The following GRPR variants were observed in gnomAD, a reference collection of about 807,000 sequenced individuals.
GRPR encodes gastrin releasing peptide receptor, also known as gastrin-releasing peptide receptor.
A neutral mutation model predicts 15.6 loss-of-function variants in GRPR; 4 were observed. The ratio of observed to expected loss-of-function variants is 0.26; its 90% CI spans 0.13 to 0.59. GRPR has a LOEUF of 0.59. Ranked by LOEUF, GRPR falls within the 20% of genes least tolerant of loss-of-function variation. The probability of loss-of-function intolerance (pLI) is 0.90; values close to 1 mark genes in which losing one functional copy is unlikely to be tolerated. For missense variants in GRPR, 270 were observed against 304.1 expected (o/e 0.89, Z 0.83); for synonymous variants, 128 against 126.8 (o/e 1.01, Z -0.06).
chrX:16,153,056 G>C lies in GRPR; in HGVS notation c.*411G>C, dbSNP rs182552906. On this transcript the variant is annotated 3_prime_UTR_variant, in exon 3 of 3. Coordinates refer to ENST00000380289, the MANE Select transcript of GRPR (RefSeq NM_005314.3). Reference sequence around the variant, plus strand: ...CTTCACCTTGTCATTTCTTTAAGCAGACGCTAGTACTTTAGAAATATAACT... The same window carrying C: ...CTTCACCTTGTCATTTCTTTAAGCACACGCTAGTACTTTAGAAATATAACT... The C allele has an allele frequency of 5.6e-6, 1 of 179,856 alleles. No individual in the cohort carries two copies. The highest frequency in any genetic ancestry group is 2.9e-5 in the African/African-American group (1 of 34,062). 14.8% of individuals were successfully genotyped at this position (179,856 alleles called of 1,213,427 possible). A position where few individuals can be genotyped will look rare whatever the true frequency, so the allele number is the denominator to read the frequency against.
chrX:16,147,259 G>A (rs1428727055), intron 1 of GRPR, among the ~76,000 whole-genome samples: 1 of 110,996 alleles, frequency 9.0e-6, no homozygotes, highest in East Asian at 2.8e-4. Context: ...ACACATAGCC[G>A]CAATACCCTT....
intron 1 of GRPR, among the ~76,000 whole-genome samples, chrX:16,134,820 C>T (rs764548083): frequency 2.0e-4 from 22 of 111,132 alleles, no homozygotes; most frequent in Non-Finnish European, 3.6e-4. Context: ...AACAACTTCA[C>T]GTTTTTGCAC....
chrX:16,151,532 G>A (rs941598793), intron 2 of GRPR, among the ~76,000 whole-genome samples: 1 of 111,730 alleles, frequency 9.0e-6, no homozygotes, highest in Non-Finnish European at 1.9e-5. Context: ...AAGAGTGGCA[G>A]TTTCTAATGA....
Position 16,132,880 on chromosome X carries a change from T to G in GRPR, c.413+8514T>G, listed in dbSNP as rs148164135. 7.1e-3 allele frequency among the ~76,000 whole-genome samples: 792 copies of G among 112,163 alleles called. 9 individuals are homozygous for G. Among genetic ancestry groups the G allele is most frequent in the African/African-American group, 0.025 (762 of 30,969 alleles). On this transcript the variant is annotated intron_variant, in intron 1 of 2. Transcript: ENST00000380289. ...TAGTAACCTATTTTTCATGGATATC[T>G]TCACATTATGAGTTTTGTGCTATCT...
intron 1 of GRPR, among the ~76,000 whole-genome samples, chrX:16,140,725 G>A (rs949001752): frequency 8.9e-6 from 1 of 111,922 alleles, no homozygotes; most frequent in African/African-American, 3.3e-5. Context: ...GTTGCCCACC[G>A]TGGTGCCCTT....
intron 1 of GRPR, among the ~76,000 whole-genome samples, chrX:16,146,826 C>T (rs902924488): frequency 8.9e-6 from 1 of 112,198 alleles, no homozygotes; most frequent in African/African-American, 3.2e-5. Context: ...TGGTCTATCT[C>T]TCTCCCTCTA....
intron 1 of GRPR, among the ~76,000 whole-genome samples, chrX:16,138,603 G>A (rs185752644): frequency 4.4e-4 from 49 of 112,275 alleles, no homozygotes; most frequent in African/African-American, 1.5e-3. Context: ...GACTCAAAGC[G>A]ACTATTTCAG....
intron 1 of GRPR, among the ~76,000 whole-genome samples, chrX:16,135,580 A>G (rs1039246933): frequency 1.8e-5 from 2 of 112,356 alleles, no homozygotes; most frequent in African/African-American, 6.5e-5. Flanking sequence ...GTCTACATAT[A>G]AATAGAATAA....
At chrX:16,144,433 T>C (rs1377060984) in intron 1 of GRPR, among the ~76,000 whole-genome samples, 2 of 112,102 alleles carry the variant, frequency 1.8e-5, no homozygotes, top group African/African-American at 6.5e-5. Context: ...ATAGTATACA[T>C]TAGGATTGCA....
chrX:16,150,596 A>C lies in GRPR; in HGVS notation c.705A>C (p.Lys235Asn), dbSNP rs760312231. 6 of 1,200,162 alleles carry C rather than the reference A, an allele frequency of 5.0e-6. No homozygotes were observed. The African/African-American group carries it at 1.1e-4, about 21-fold the overall frequency. ...CTGTTTACTACTACTTCATTGCTAAAAATCTGATCCAGAGTGCTTACAATC... is the reference window on the plus strand; with the variant it reads ...CTGTTTACTACTACTTCATTGCTAACAATCTGATCCAGAGTGCTTACAATC... Reference protein sequence around the residue: ...IISVYYYFIAKNLIQSAYNLP... With the variant: ...IISVYYYFIANNLIQSAYNLP... The change falls in exon 2 of 3, where the codon AAA becomes AAC. Residue 235 changes from lysine to asparagine, a missense_variant. By Grantham distance (94) the Lys-to-Asn change is moderately conservative. Coordinates refer to ENST00000380289, the MANE Select transcript of GRPR (RefSeq NM_005314.3).
rs1247178170 is a variant in GRPR, at chrX:16,143,770, G to A, written c.414-6535G>A. Among the ~76,000 whole-genome samples the A allele has an allele frequency of 2.7e-5, 3 of 112,452 alleles. No homozygotes were observed. The Admixed American group carries it at 2.8e-4, about 11-fold the overall frequency. Reference sequence around the variant, plus strand: ...GGAGGGTAGAATAGCGAAGTGGGATGTGAGTTCTGTTTGTTCATTCAGTGT... The same window carrying A: ...GGAGGGTAGAATAGCGAAGTGGGATATGAGTTCTGTTTGTTCATTCAGTGT... On this transcript the variant is annotated intron_variant, in intron 1 of 2. Transcript: ENST00000380289.
At chrX:16,151,098 C>T (rs973892183) in intron 2 of GRPR, among the ~76,000 whole-genome samples, 2 of 111,538 alleles carry the variant, frequency 1.8e-5, no homozygotes, top group Non-Finnish European at 3.8e-5. Flanking sequence ...TAGGCTCACA[C>T]TGATTTGGGC....
chrX:16,123,818 T>C lies in GRPR; in HGVS notation c.-136T>C. ...AGTTTTGAATACCATAGTTAGTATA[T>C]ATGTACTCAGAGTATTTTTATTAAA... On this transcript the variant is annotated 5_prime_UTR_variant, in exon 1 of 3. Coordinates refer to ENST00000380289, the MANE Select transcript of GRPR (RefSeq NM_005314.3). The C allele has an allele frequency of 1.9e-6, 1 of 536,786 alleles. No individual in the cohort carries two copies. Among genetic ancestry groups the C allele is most frequent in the Middle Eastern group, 4.8e-4 (1 of 2,080 alleles). The allele number at this position is 536,786 out of a possible 1,213,427, so 44.2% of individuals were successfully genotyped here.
chrX:16,152,351 C>T lies in GRPR; in HGVS notation c.861C>T (p.Arg287=). 3.3e-6 allele frequency: 4 copies of T among 1,209,453 alleles called. No individual in the cohort carries two copies. The highest frequency in any genetic ancestry group is 4.5e-6 in the Non-Finnish European group (4 of 893,318). The change falls in exon 3 of 3, where the codon CGC becomes CGT. Residue 287 remains arginine (R), a synonymous_variant. Coordinates refer to ENST00000380289, the MANE Select transcript of GRPR (RefSeq NM_005314.3). ...CCAATCATGTCATCTACCTGTACCG[C>T]TCCTACCACTACTCTGAGGTGGACA... The part of the protein sequence containing the change: ...WLPNHVIYLY[R]SYHYSEVDTS...
intron 1 of GRPR, among the ~76,000 whole-genome samples, chrX:16,144,243 A>C (rs1442657050): frequency 8.9e-6 from 1 of 112,168 alleles, no homozygotes; most frequent in Non-Finnish European, 1.9e-5. Context: ...GCCAGCTAAT[A>C]ATTGCCTTAC....
chrX:16,125,191 TATTC>T (rs1922271547), intron 1 of GRPR, among the ~76,000 whole-genome samples: 1 of 112,643 alleles, frequency 8.9e-6, no homozygotes, highest in South Asian at 3.6e-4. Flanking sequence ...TAAAACTATA[TATTC>T]ATTCTTTGAA....
rs112172603 is a variant in GRPR, at chrX:16,123,914, G to A, written c.-40G>A. ...TTGCAAAATCAATAGTTAAGAAATA[G>A]CATCTAAGGGAACTTTTAGGTGGGA... On this transcript the variant is annotated 5_prime_UTR_variant, in exon 1 of 3. Transcript: ENST00000380289. 5 of 1,096,795 alleles carry A rather than the reference G, an allele frequency of 4.6e-6. No individual in the cohort carries two copies. Among genetic ancestry groups the A allele is most frequent in the Admixed American group, 2.2e-5 (1 of 45,577 alleles). The allele number at this position is 1,096,795 out of a possible 1,213,427, so 90.4% of individuals were successfully genotyped here.
chrX:16,124,860 C>T (rs1346613376), intron 1 of GRPR, among the ~76,000 whole-genome samples: 1 of 112,573 alleles, frequency 8.9e-6, no homozygotes, highest in Non-Finnish European at 1.9e-5. Context: ...TCATTTTCCT[C>T]AGACAGTTTA....
intron 1 of GRPR, among the ~76,000 whole-genome samples, chrX:16,146,691 A>T (rs1922610613): frequency 8.9e-6 from 1 of 112,040 alleles, no homozygotes; most frequent in Non-Finnish European, 1.9e-5. Flanking sequence ...GTCTCCCTGC[A>T]TTGGGAGCTC....
Sources: allele counts gnomAD v4.1 joint callset (sites outside exome capture counted in the v4.1 genomes callset), GRCh38; gene constraint gnomAD v4.1.1; transcripts MANE v1.5; gene names NCBI Gene and HGNC (gene_info 2026-07-23, HGNC 2026-07-21).